The following TF variants were observed in gnomAD, a reference collection of about 807,000 sequenced individuals.
The protein encoded by TF is serotransferrin.
In TF, 55 loss-of-function variants were observed where a neutral mutation model predicts 82.4. The observed-to-expected ratio is 0.67, with a 90% CI of 0.54 to 0.84. TF has a LOEUF of 0.84. Ranked by LOEUF, TF falls within the 40% of genes least tolerant of loss-of-function variation. The pLI is 0.00. For missense variants in TF, 737 were observed against 868.4 expected (o/e 0.85, Z 1.90); for synonymous variants, 332 against 332.6 (o/e 1.00, Z 0.02).
the TF span, among the ~76,000 whole-genome samples, chr3:133,733,104 A>G: frequency 1.3e-5 from 2 of 152,222 alleles, no homozygotes. Context: ...AGATCTAGGA[A>G]TAAACCCCAC....
chr3:133,692,177 C>T, the TF span, among the ~76,000 whole-genome samples: 1 of 152,236 alleles, frequency 6.6e-6, no homozygotes, highest in African/African-American at 2.4e-5. Flanking sequence ...CTGCGTCTTC[C>T]TTGTGCTAAC....
At chr3:133,757,717 C>T (rs371938622) in intron 7 of TF, 52 bp from the exon 8 acceptor site, 55 of 1,538,280 alleles carry the variant, frequency 3.6e-5, no homozygotes, top group South Asian at 1.3e-4. Flanking sequence ...TCCCATTTCT[C>T]AGCCTCCTTT....
Position 133,766,299 on chromosome 3 carries a change from T to C in TF, c.1352T>C (p.Val451Ala), listed in dbSNP as rs142116896. Residue 451 changes from valine to alanine, a missense_variant, in exon 12 of 17, where the codon GTG becomes GCG. Physicochemically the swap from Val to Ala is moderately conservative, Grantham distance 64. Transcript: ENST00000402696. ...GTAGGGTATTTTGCTATAGCAGTGG[T>C]GAAGAAATCAGCTTCTGACCTCACC... ...PEAGYFAIAV[V>A]KKSASDLTWD... 2.3e-4 allele frequency: 379 copies of C among 1,614,036 alleles called. No homozygotes were observed. Among genetic ancestry groups the C allele is most frequent in the Non-Finnish European group, 3.0e-4 (357 of 1,180,008 alleles).
At chr3:133,684,207 G>A in the TF span, among the ~76,000 whole-genome samples, 1 of 152,234 alleles carries the variant, frequency 6.6e-6, no homozygotes, top group East Asian at 1.9e-4. Context: ...AAAGCAGTGT[G>A]TAGAGGGAAA....
the TF span, among the ~76,000 whole-genome samples, chr3:133,671,450 G>T: frequency 1.3e-5 from 2 of 151,856 alleles, no homozygotes; most frequent in Middle Eastern, 3.4e-3. Flanking sequence ...GAGAAGAGAG[G>T]CTGAAAAATC....
At position 133,756,292 on chromosome 3, in the gene TF, G is replaced by A. The variant is rs17854994; in HGVS notation, c.646G>A (p.Asp216Asn). Residue 216 changes from aspartate to asparagine, a missense_variant, in exon 6 of 17, where the codon GAT (aspartate) becomes AAT (asparagine). By Grantham distance (23) the Asp-to-Asn change is conservative. Transcript: ENST00000402696. ...GTTTCTTTGACCCAGGTGTCTGAAG[G>A]ATGGTGCTGGGGATGTGGCCTTTGT... The part of the protein sequence containing the change: ...GYSGAFKCLK[D>N]GAGDVAFVKH... The A allele has an allele frequency of 1.7e-5, 28 of 1,614,128 alleles. No homozygotes were observed. The highest frequency in any genetic ancestry group is 2.4e-5 in the Non-Finnish European group (28 of 1,180,028).
In TF at chr3:133,782,975, T is replaced by C. The variant is rs1934552930; in HGVS notation, c.*4355T>C. The C allele has an allele frequency of 6.6e-6, 1 of 152,170 alleles. No homozygotes were observed. The highest frequency in any genetic ancestry group is 2.1e-4 in the South Asian group (1 of 4,824). 9.4% of individuals were successfully genotyped at this position (152,170 alleles called of 1,614,324 possible). A position where few individuals can be genotyped will look rare whatever the true frequency, so the allele number is the denominator to read the frequency against. Reference sequence around the variant, plus strand: ...GAGGCTGCAGTGAGCAGTGATTTGATCGTGCCACTGCACTCCAGCCTGGGG... The same window carrying C: ...GAGGCTGCAGTGAGCAGTGATTTGACCGTGCCACTGCACTCCAGCCTGGGG... On this transcript the variant is annotated 3_prime_UTR_variant, in exon 17 of 17. Coordinates refer to ENST00000402696, the MANE Select transcript of TF (RefSeq NM_001063.4).
upstream of TF, among the ~76,000 whole-genome samples, chr3:133,743,947 C>T (rs1335958097): frequency 6.6e-6 from 1 of 152,226 alleles, no homozygotes; most frequent in South Asian, 2.1e-4. Context: ...AAGCACGAAG[C>T]TCTGCTGTTG....
the TF span, among the ~76,000 whole-genome samples, chr3:133,679,457 A>G: frequency 6.6e-6 from 1 of 152,104 alleles, no homozygotes; most frequent in South Asian, 2.1e-4. Context: ...TGACATTTTC[A>G]TCACCCGCAA....
At chr3:133,686,110 T>C in the TF span, among the ~76,000 whole-genome samples, 1 of 152,216 alleles carries the variant, frequency 6.6e-6, no homozygotes, top group Non-Finnish European at 1.5e-5. Context: ...GGATTCCCTG[T>C]TTAATAAATG....
chr3:133,687,802 A>T, the TF span, among the ~76,000 whole-genome samples: 1 of 152,152 alleles, frequency 6.6e-6, no homozygotes, highest in Non-Finnish European at 1.5e-5. Flanking sequence ...TCATCTGGCT[A>T]TTCCCCATTT....
At chr3:133,752,812 G>C (rs990956658) in intron 2 of TF, among the ~76,000 whole-genome samples, 1 of 152,206 alleles carries the variant, frequency 6.6e-6, no homozygotes, top group Non-Finnish European at 1.5e-5. Context: ...GGAGCTGAGA[G>C]AGAAAGAGAG....
chr3:133,686,934 T>G, the TF span, among the ~76,000 whole-genome samples: 37 of 152,254 alleles, frequency 2.4e-4, no homozygotes, highest in African/African-American at 8.4e-4. Context: ...AGCAAAGACT[T>G]GAAACCAACC....
At chr3:133,724,794 AC>A in the TF span, among the ~76,000 whole-genome samples, 1 of 152,234 alleles carries the variant, frequency 6.6e-6, no homozygotes, top group South Asian at 2.1e-4. Context: ...TTTAGGTCTA[AC>A]ATGTAAGTCT....
the TF span, among the ~76,000 whole-genome samples, chr3:133,732,231 G>C: frequency 6.6e-6 from 1 of 152,220 alleles, no homozygotes; most frequent in African/African-American, 2.4e-5. Context: ...ATTATTGAGA[G>C]GTGAAGCTGG....
chr3:133,716,536 C>T, the TF span, among the ~76,000 whole-genome samples: 6 of 152,284 alleles, frequency 3.9e-5, no homozygotes, highest in East Asian at 9.6e-4. Flanking sequence ...TATCCAGAAT[C>T]GATCTCTCTG....
At chr3:133,673,977 G>C in the TF span, among the ~76,000 whole-genome samples, 25 of 152,206 alleles carry the variant, frequency 1.6e-4, no homozygotes, top group Non-Finnish European at 7.3e-5. Context: ...GCCTCCCGGA[G>C]CAGAGGGCTG....
At chr3:133,712,201 C>T in the TF span, among the ~76,000 whole-genome samples, 26 of 152,334 alleles carry the variant, frequency 1.7e-4, 1 homozygote, top group Middle Eastern at 6.8e-3. Flanking sequence ...GAGCCTGTGT[C>T]TGATTTCCTC....
the TF span, among the ~76,000 whole-genome samples, chr3:133,717,452 A>G: frequency 6.6e-6 from 1 of 152,088 alleles, no homozygotes; most frequent in Admixed American, 6.5e-5. Context: ...CATCTGCCTC[A>G]TTGTTCTTCT....
Sources: allele counts gnomAD v4.1 joint callset (sites outside exome capture counted in the v4.1 genomes callset), GRCh38; gene constraint gnomAD v4.1.1; transcripts MANE v1.5; gene names NCBI Gene and HGNC (gene_info 2026-07-23, HGNC 2026-07-21).